Variants in TSHZ2 observed in about 807,000 individuals in gnomAD.
The protein encoded by TSHZ2 is teashirt homolog 2.
Under a neutral mutation model 74.4 loss-of-function variants are expected in TSHZ2, and 21 were observed. The observed-to-expected ratio is 0.28, with a 90% confidence interval of 0.20 to 0.41. TSHZ2 has a LOEUF of 0.41. TSHZ2 is among the 10% of genes least tolerant of loss of function. TSHZ2 has a pLI of 1.00. For missense variants in TSHZ2, 1,244 were observed against 1,293.5 expected (o/e 0.96, Z 0.59); for synonymous variants, 540 against 515.3 (o/e 1.05, Z -0.65).
At chr20:53,211,762 C>T (rs1191412778) in intron 1 of TSHZ2, among the ~76,000 whole-genome samples, 3 of 151,988 alleles carry the variant, frequency 2.0e-5, no homozygotes, top group Non-Finnish European at 4.4e-5. Context: ...ATTTTATCAT[C>T]GTAGACTCAG....
At chr20:53,147,290 T>G (rs1987564620) in intron 1 of TSHZ2, among the ~76,000 whole-genome samples, 1 of 152,350 alleles carries the variant, frequency 6.6e-6, no homozygotes. Flanking sequence ...GCCTGGAAAC[T>G]GGGCTCAGCT....
At chr20:52,980,348 A>C (rs902819720) in intron 1 of TSHZ2, among the ~76,000 whole-genome samples, 3 of 152,138 alleles carry the variant, frequency 2.0e-5, no homozygotes, top group Non-Finnish European at 1.5e-5. Context: ...AATTTAATTG[A>C]AAAGCTGTAG....
chr20:53,190,160 T>A (rs1228411136), intron 1 of TSHZ2, among the ~76,000 whole-genome samples: 1 of 135,254 alleles, frequency 7.4e-6, no homozygotes, highest in African/African-American at 2.7e-5. Context: ...CCTCTGTTTC[T>A]TTTTGTATAT....
At chr20:53,106,877 T>C (rs1394109655) in intron 1 of TSHZ2, among the ~76,000 whole-genome samples, 1 of 151,888 alleles carries the variant, frequency 6.6e-6, no homozygotes, top group African/African-American at 2.4e-5. Flanking sequence ...TTTGTATTTT[T>C]AGTAGAGACG....
chr20:53,434,207 G>A (rs948807158), intron 2 of TSHZ2, among the ~76,000 whole-genome samples: 5 of 152,128 alleles, frequency 3.3e-5, no homozygotes, highest in African/African-American at 4.8e-5. Flanking sequence ...CATCATTACT[G>A]CTACTACCAC....
chr20:53,152,513 T>A (rs771651159), intron 1 of TSHZ2, among the ~76,000 whole-genome samples: 4 of 152,196 alleles, frequency 2.6e-5, no homozygotes, highest in Non-Finnish European at 5.9e-5. Flanking sequence ...CTCTACTGGT[T>A]GTTGCCACAC....
chr20:53,439,078 C>G (rs1160572674), intron 2 of TSHZ2, among the ~76,000 whole-genome samples: 1 of 152,192 alleles, frequency 6.6e-6, no homozygotes, highest in Non-Finnish European at 1.5e-5. Context: ...TTTTGTTCAT[C>G]ATAAAGTACA....
intron 1 of TSHZ2, among the ~76,000 whole-genome samples, chr20:53,065,783 ATTG>A (rs971114671): frequency 2.0e-5 from 3 of 152,186 alleles, no homozygotes; most frequent in African/African-American, 4.8e-5. Flanking sequence ...CAAGAAACCT[ATTG>A]TTATTTTTTT....
chr20:53,063,497 CTG>C (rs1268603961), intron 1 of TSHZ2, among the ~76,000 whole-genome samples: 3 of 152,172 alleles, frequency 2.0e-5, no homozygotes, highest in Non-Finnish European at 2.9e-5. Flanking sequence ...AGATTTCAGA[CTG>C]TAAATAAACT....
At position 53,254,490 on chromosome 20, in the gene TSHZ2, T is replaced by C; in HGVS notation, c.1032T>C (p.Phe344=). Reference sequence around the variant, plus strand: ...CCACAGGATCTTTTGCAGATTCTTTTTCTTCTCAGAAGAACGCCAACTTGC... The same window carrying C: ...CCACAGGATCTTTTGCAGATTCTTTCTCTTCTCAGAAGAACGCCAACTTGC... ...DSTTGSFADS[F]SSQKNANLQL... Residue 344 remains phenylalanine, a synonymous_variant, in exon 2 of 3, where the codon TTT becomes TTC. Transcript: ENST00000371497. The C allele has an allele frequency of 6.2e-7, 1 of 1,614,128 alleles. No individual in the cohort carries two copies.
intron 1 of TSHZ2, among the ~76,000 whole-genome samples, chr20:53,058,518 T>A (rs1328086580): frequency 4.6e-5 from 7 of 152,352 alleles, no homozygotes; most frequent in African/African-American, 1.7e-4. Flanking sequence ...GTATGGGCCC[T>A]TCTGAGCATG....
At chr20:53,362,260 C>T (rs1313783074) in intron 2 of TSHZ2, among the ~76,000 whole-genome samples, 4 of 151,580 alleles carry the variant, frequency 2.6e-5, no homozygotes, top group Admixed American at 6.6e-5. Context: ...TCTCGGCTCA[C>T]TGCAAGCTCC....
In TSHZ2 at chr20:53,260,727, A is replaced by G. The variant is rs117527846; in HGVS notation, c.*8+4156A>G. On this transcript the variant is annotated intron_variant, in intron 2 of 2. Coordinates refer to ENST00000371497, the MANE Select transcript of TSHZ2 (RefSeq NM_173485.6). ...AGGTTGTAAGAATTAAATGTATGTA[A>G]TTATTTTCCTTAAAGCCCATAGTAG... 1.7e-3 allele frequency among the ~76,000 whole-genome samples: 257 copies of G among 152,298 alleles called. 3 individuals carry two copies. The highest frequency in any genetic ancestry group is 0.01 in the Admixed American group (156 of 15,300).
intron 2 of TSHZ2, among the ~76,000 whole-genome samples, chr20:53,341,694 T>C (rs904920345): frequency 2.0e-5 from 3 of 152,036 alleles, no homozygotes; most frequent in Non-Finnish European, 1.5e-5. Flanking sequence ...TATGTATAGA[T>C]ATATTTGCTT....
chr20:53,458,812 C>A (rs201090347), intron 2 of TSHZ2, among the ~76,000 whole-genome samples: 1 of 151,912 alleles, frequency 6.6e-6, no homozygotes, highest in South Asian at 2.1e-4. Context: ...GCCTTCATTT[C>A]GTTATGTACC....
chr20:52,982,866 G>A (rs1981619865), intron 1 of TSHZ2, among the ~76,000 whole-genome samples: 1 of 152,170 alleles, frequency 6.6e-6, no homozygotes, highest in Non-Finnish European at 1.5e-5. Context: ...AGGGCTGGGA[G>A]AAGCAGTCCA....
chr20:53,005,157 C>CA (rs1407921750), intron 1 of TSHZ2, among the ~76,000 whole-genome samples: 11 of 151,424 alleles, frequency 7.3e-5, no homozygotes, highest in South Asian at 2.1e-4. Context: ...ACTAAAAATA[C>CA]AAAAAAAATT....
rs749225188 is a variant in TSHZ2 at position 53,270,756 on chromosome 20, C to G, written c.*8+14185C>G. On this transcript the variant is annotated intron_variant, in intron 2 of 2. Coordinates refer to ENST00000371497, the MANE Select transcript of TSHZ2 (RefSeq NM_173485.6). Reference sequence around the variant, plus strand: ...CGGGGCCTTCAGCAAATTGACACTTCAAATGTGCATGGTTTTATTTGGTAT... The same window carrying G: ...CGGGGCCTTCAGCAAATTGACACTTGAAATGTGCATGGTTTTATTTGGTAT... 3.9e-5 allele frequency among the ~76,000 whole-genome samples: 6 copies of G among 152,104 alleles called. No individual in the cohort carries two copies. In the South Asian group the frequency reaches 6.2e-4, roughly 16 times the overall value.
intron 1 of TSHZ2, among the ~76,000 whole-genome samples, chr20:53,200,916 A>G (rs1988989285): frequency 6.6e-6 from 1 of 152,230 alleles, no homozygotes; most frequent in Non-Finnish European, 1.5e-5. Flanking sequence ...AGATGAAGCA[A>G]GATTGTCCTG....
Sources: allele counts gnomAD v4.1 joint callset (sites outside exome capture counted in the v4.1 genomes callset), GRCh38; gene constraint gnomAD v4.1.1; transcripts MANE v1.5; gene names NCBI Gene and HGNC (gene_info 2026-07-23, HGNC 2026-07-21).